Variants in MRAS observed in about 807,000 individuals in gnomAD.
MRAS encodes ras-related protein M-Ras.
Under a neutral mutation model 20.9 loss-of-function variants are expected in MRAS, and 4 were observed. The ratio of observed to expected loss-of-function variants is 0.19; its 90% CI spans 0.09 to 0.44. The LOEUF is 0.44. Among genes scored for constraint, MRAS ranks in the 20% least tolerant of loss-of-function variants. The probability of loss-of-function intolerance (pLI) is 0.99; values close to 1 mark genes in which losing one functional copy is unlikely to be tolerated. For synonymous variants in MRAS, 98 were observed against 102.9 expected (o/e 0.95, Z 0.29); for missense variants, 154 against 277.5 (o/e 0.56, Z 3.16).
At chr3:138,351,322 G>A (rs371693981) in intron 1 of MRAS, among the ~76,000 whole-genome samples, 2 of 152,188 alleles carry the variant, frequency 1.3e-5, no homozygotes, top group East Asian at 3.8e-4. Context: ...TGCAATGCTG[G>A]AATGTTCTTA....
At chr3:138,353,640 T>C (rs1159095106) in intron 1 of MRAS, among the ~76,000 whole-genome samples, 1 of 152,250 alleles carries the variant, frequency 6.6e-6, no homozygotes, top group Non-Finnish European at 1.5e-5. Context: ...CCCCTCTGTA[T>C]GTCCGTCCTT....
chr3:138,392,291 T>C (rs2042249586), intron 2 of MRAS, among the ~76,000 whole-genome samples: 1 of 152,214 alleles, frequency 6.6e-6, no homozygotes, highest in Non-Finnish European at 1.5e-5. Flanking sequence ...CATTGGAACC[T>C]CAAACTCTTG....
At chr3:138,352,009 G>A (rs1479367865) in intron 1 of MRAS, among the ~76,000 whole-genome samples, 1 of 152,218 alleles carries the variant, frequency 6.6e-6, no homozygotes, top group Non-Finnish European at 1.5e-5. Context: ...AGCCAAGTCA[G>A]CATGCCATTC....
chr3:138,359,754 G>C (rs2108501419), intron 1 of MRAS, among the ~76,000 whole-genome samples: 1 of 152,204 alleles, frequency 6.6e-6, no homozygotes, highest in Non-Finnish European at 1.5e-5. Context: ...CATTTCCTTT[G>C]ATCTCACACC....
At chr3:138,362,619 C>G (rs1034199643) in intron 1 of MRAS, among the ~76,000 whole-genome samples, 1 of 152,166 alleles carries the variant, frequency 6.6e-6, no homozygotes, top group African/African-American at 2.4e-5. Context: ...AGCCATCTAG[C>G]AAGCCTACAT....
intron 2 of MRAS, among the ~76,000 whole-genome samples, chr3:138,378,642 C>T (rs1253995578): frequency 6.6e-6 from 1 of 152,222 alleles, no homozygotes; most frequent in Non-Finnish European, 1.5e-5. Flanking sequence ...CTGCCCTCAC[C>T]CCAATTCTCT....
chr3:138,383,870 C>A (rs2054955669), intron 2 of MRAS, among the ~76,000 whole-genome samples: 1 of 152,116 alleles, frequency 6.6e-6, no homozygotes, highest in Non-Finnish European at 1.5e-5. Flanking sequence ...GAAGGTCAGA[C>A]AAGGTAAGGG....
At chr3:138,392,973 T>C (rs1276105104) in intron 2 of MRAS, among the ~76,000 whole-genome samples, 4 of 152,340 alleles carry the variant, frequency 2.6e-5, no homozygotes, top group Admixed American at 2.0e-4. Flanking sequence ...AAGTTTGAGG[T>C]GTTGCTTAGG....
Position 138,391,968 on chromosome 3 carries a change from T to C in MRAS, c.194-5356T>C, listed in dbSNP as rs574466996. 1.2e-3 allele frequency among the ~76,000 whole-genome samples: 187 copies of C among 152,224 alleles called. 1 individual carries two copies. Among genetic ancestry groups the C allele is most frequent in the Non-Finnish European group, 2.1e-3 (141 of 68,002 alleles). On this transcript the variant is annotated intron_variant, in intron 2 of 5. Coordinates refer to ENST00000423968, the MANE Select transcript of MRAS (RefSeq NM_001085049.3). ...TCCTGGCCAACATGGTGAAACTCTG[T>C]CTCTACTAAAAATACAAAAATTAGC...
At chr3:138,355,531 C>T (rs1486597651) in intron 1 of MRAS, among the ~76,000 whole-genome samples, 1 of 152,222 alleles carries the variant, frequency 6.6e-6, no homozygotes, top group African/African-American at 2.4e-5. Flanking sequence ...GAGATTTCAT[C>T]TGGTTTCATA....
intron 1 of MRAS, among the ~76,000 whole-genome samples, chr3:138,358,289 A>T: frequency 6.6e-6 from 1 of 151,752 alleles, no homozygotes; most frequent in Admixed American, 6.6e-5. Flanking sequence ...CTGAGCCAAG[A>T]TTGTGCCATT....
chr3:138,377,218 C>T (rs887302998), intron 2 of MRAS, among the ~76,000 whole-genome samples: 4 of 152,146 alleles, frequency 2.6e-5, no homozygotes, highest in Admixed American at 6.5e-5. Flanking sequence ...GAGTCAGGCC[C>T]GATTTAGGGC....
At chr3:138,401,457 A>T (rs1254942323) in intron 5 of MRAS, among the ~76,000 whole-genome samples, 1 of 152,110 alleles carries the variant, frequency 6.6e-6, no homozygotes, top group African/African-American at 2.4e-5. Context: ...TCTTCACTTT[A>T]TGTTTTTGCT....
intron 1 of MRAS, among the ~76,000 whole-genome samples, chr3:138,361,575 GT>G (rs1365983881): frequency 1.3e-5 from 2 of 152,188 alleles, no homozygotes; most frequent in African/African-American, 4.8e-5. Flanking sequence ...GGTGAGGGAG[GT>G]GCTGGCTGAA....
chr3:138,383,327 G>GTTGTT (rs1405997072), intron 2 of MRAS, among the ~76,000 whole-genome samples: 1 of 152,098 alleles, frequency 6.6e-6, no homozygotes. Flanking sequence ...ATATATTATT[G>GTTGTT]TTGTTTTTAT....
intron 1 of MRAS, among the ~76,000 whole-genome samples, chr3:138,353,186 G>A (rs1382798108): frequency 1.3e-5 from 2 of 152,126 alleles, no homozygotes; most frequent in African/African-American, 4.8e-5. Flanking sequence ...AAAAATACAG[G>A]CATCAGAACA....
At chr3:138,380,779 T>TA (rs2054885045) in intron 2 of MRAS, among the ~76,000 whole-genome samples, 1 of 145,334 alleles carries the variant, frequency 6.9e-6, no homozygotes, top group African/African-American at 2.6e-5. Flanking sequence ...TTTTTTTTTC[T>TA]TTTTTTTTTG....
chr3:138,380,328 T>TTTC (rs1288474042), intron 2 of MRAS, among the ~76,000 whole-genome samples: 49 of 152,272 alleles, frequency 3.2e-4, no homozygotes, highest in African/African-American at 1.1e-3. Flanking sequence ...CTTTTTTTTT[T>TTTC]CTGAAATGAG....
chr3:138,400,637 A>G, intron 5 of MRAS, 24 bp downstream of exon 5: 1 of 1,587,350 alleles, frequency 6.3e-7, no homozygotes, highest in South Asian at 1.1e-5. Context: ...TCTCCCTAGA[A>G]GCGGGCCTCC....
Sources: gnomAD v4.1 joint callset for allele counts (sites outside exome capture counted in the v4.1 genomes callset) on GRCh38, gnomAD v4.1.1 for gene constraint, MANE v1.5 for transcripts, NCBI Gene and HGNC (gene_info 2026-07-23, HGNC 2026-07-21) for gene names.